Variants in STX8 observed in about 807,000 individuals in gnomAD.
The protein encoded by STX8 is syntaxin-8.
Under a neutral mutation model 37.5 loss-of-function variants are expected in STX8, and 23 were observed. The observed-to-expected ratio is 0.61, with a 90% CI of 0.44 to 0.87. The LOEUF (loss-of-function observed/expected upper bound fraction) is 0.87. Ranked by LOEUF, STX8 falls within the 40% of genes least tolerant of loss-of-function variation. The pLI is 0.00. For missense variants in STX8, 313 were observed against 284.7 expected, an observed-to-expected ratio of 1.10 and a Z score of -0.71; for synonymous variants, 115 against 99.1, an observed-to-expected ratio of 1.16 and a Z score of -0.95.
intron 7 of STX8, among the ~76,000 whole-genome samples, chr17:9,374,839 A>G (rs980494663): frequency 6.6e-6 from 1 of 152,046 alleles, no homozygotes; most frequent in Non-Finnish European, 1.5e-5. Flanking sequence ...TAAGGTGGGC[A>G]GATCACCTGA....
chr17:9,454,539 G>A (rs1354487256), intron 6 of STX8, among the ~76,000 whole-genome samples: 1 of 152,024 alleles, frequency 6.6e-6, no homozygotes, highest in Non-Finnish European at 1.5e-5. Flanking sequence ...AATTAGCCAG[G>A]CCTGGTGGCA....
At chr17:9,328,222 T>A (rs916632672) in intron 7 of STX8, among the ~76,000 whole-genome samples, 2 of 152,260 alleles carry the variant, frequency 1.3e-5, no homozygotes, top group East Asian at 3.9e-4. Flanking sequence ...TAGAGTTATA[T>A]ACCTAGGTTT....
At chr17:9,481,399 T>G (rs998778340) in intron 6 of STX8, among the ~76,000 whole-genome samples, 3 of 152,196 alleles carry the variant, frequency 2.0e-5, no homozygotes, top group Non-Finnish European at 4.4e-5. Context: ...TTTCTAACTG[T>G]CTTGCTTCCT....
rs559790676 is a variant in STX8, at chr17:9,570,396, A to G, written c.18-1926T>C. ...AACCACTATACTGTAAAGCAGCACC[A>G]TTCATGTATATATCATATATATATC... is the stretch of plus-strand genomic sequence containing the variant. On this transcript the variant is annotated intron_variant, in intron 1 of 7. Coordinates refer to ENST00000306357, the MANE Select transcript of STX8 (RefSeq NM_004853.3). Among the ~76,000 whole-genome samples the G allele has an allele frequency of 3.9e-5, 6 of 152,148 alleles. No homozygotes were observed. The South Asian group carries it at 1.2e-3, about 32-fold the overall frequency.
At chr17:9,474,170 T>A (rs1429566360) in intron 6 of STX8, among the ~76,000 whole-genome samples, 1 of 151,816 alleles carries the variant, frequency 6.6e-6, no homozygotes, top group East Asian at 1.9e-4. Flanking sequence ...ATGGAGAGGG[T>A]GATACATGGA....
chr17:9,256,853 G>A (rs1242357721), intron 7 of STX8, among the ~76,000 whole-genome samples: 1 of 152,222 alleles, frequency 6.6e-6, no homozygotes, highest in East Asian at 1.9e-4. Context: ...CCTCAGAATA[G>A]TTCTTAAACC....
intron 7 of STX8, among the ~76,000 whole-genome samples, chr17:9,306,190 A>G (rs185308552): frequency 2.6e-5 from 4 of 152,346 alleles, no homozygotes; most frequent in East Asian, 3.9e-4. Flanking sequence ...GCAACAGGCC[A>G]TACCATATAG....
intron 6 of STX8, among the ~76,000 whole-genome samples, chr17:9,476,748 C>T (rs1906124421): frequency 6.6e-6 from 1 of 152,150 alleles, no homozygotes; most frequent in Non-Finnish European, 1.5e-5. Flanking sequence ...CCACCGCACC[C>T]AGCCAGAGGT....
Position 9,400,562 on chromosome 17 carries a change from G to A in STX8, c.542-21909C>T, listed in dbSNP as rs1912574444. Among the ~76,000 whole-genome samples the A allele has an allele frequency of 4.6e-5, 7 of 151,766 alleles. No individual in the cohort carries two copies. The South Asian group carries it at 1.2e-3, about 27-fold the overall frequency. The stretch of plus-strand genomic sequence containing the variant: ...TGGTATTACAGGCACACACCACCAC[G>A]CCTGGCTAATTTTTGTATTTTTAGT... On this transcript the variant is annotated intron_variant, in intron 6 of 7. Transcript: ENST00000306357.
intron 2 of STX8, among the ~76,000 whole-genome samples, chr17:9,558,739 C>T (rs911016835): frequency 2.0e-5 from 3 of 151,762 alleles, no homozygotes; most frequent in African/African-American, 2.4e-5. Context: ...AGGAGAACGG[C>T]GTGAACCCTG....
chr17:9,561,871 T>C (rs118153456), intron 2 of STX8, among the ~76,000 whole-genome samples: 76 of 152,202 alleles, frequency 5.0e-4, no homozygotes, highest in East Asian at 1.4e-3. Flanking sequence ...TTGAAGAATT[T>C]ATTTCAACAT....
chr17:9,403,074 A>G (rs1323415794), intron 6 of STX8, among the ~76,000 whole-genome samples: 1 of 152,140 alleles, frequency 6.6e-6, no homozygotes, highest in African/African-American at 2.4e-5. Context: ...TTGTAGGGAT[A>G]AGGGGATTTG....
rs1378003300 is a variant in STX8, at chr17:9,414,665, C to T, written c.542-36012G>A. ...GTGAGACCGCTCTACCCAGGGTCAA[C>T]CACAAGAACCAGTCAGGCACAAATC... On this transcript the variant is annotated intron_variant, in intron 6 of 7. Transcript: ENST00000306357. 3.9e-5 allele frequency among the ~76,000 whole-genome samples: 6 copies of T among 152,190 alleles called. No homozygotes were observed. In the Middle Eastern group the frequency reaches 0.01, roughly 259 times the overall value.
At chr17:9,509,948 GCAAA>G (rs1339730175) in intron 4 of STX8, among the ~76,000 whole-genome samples, 1 of 151,634 alleles carries the variant, frequency 6.6e-6, no homozygotes, top group African/African-American at 2.4e-5. Context: ...GATATTCTAC[GCAAA>G]CAAAAACCAA....
At chr17:9,315,987 C>T (rs1909370693) in intron 7 of STX8, among the ~76,000 whole-genome samples, 1 of 150,198 alleles carries the variant, frequency 6.7e-6, no homozygotes, top group Non-Finnish European at 1.5e-5. Context: ...TGCACTCCAG[C>T]CTGGGTGATA....
At chr17:9,378,268 T>C (rs1911669365) in intron 7 of STX8, 1 of 335,486 alleles carries the variant, frequency 3.0e-6, no homozygotes, top group African/African-American at 2.1e-5. Context: ...AGTATAATGT[T>C]ATACAATTTC....
At chr17:9,431,516 C>T (rs1325298823) in intron 6 of STX8, among the ~76,000 whole-genome samples, 1 of 151,632 alleles carries the variant, frequency 6.6e-6, no homozygotes, top group East Asian at 1.9e-4. Context: ...AGGATGGTCT[C>T]GATCTCTTGA....
chr17:9,340,155 A>T (rs184661322), intron 7 of STX8, among the ~76,000 whole-genome samples: 1 of 152,362 alleles, frequency 6.6e-6, no homozygotes, highest in East Asian at 1.9e-4. Flanking sequence ...CTGCGTGGGA[A>T]TTCTCCAAAC....
At chr17:9,369,660 G>A (rs1911339577) in intron 7 of STX8, among the ~76,000 whole-genome samples, 1 of 152,074 alleles carries the variant, frequency 6.6e-6, no homozygotes. Flanking sequence ...GGGAGGCTGA[G>A]GCAGGCAGAT....
Sources: allele counts gnomAD v4.1 joint callset (sites outside exome capture counted in the v4.1 genomes callset), GRCh38; gene constraint gnomAD v4.1.1; transcripts MANE v1.5; gene names NCBI Gene and HGNC (gene_info 2026-07-23, HGNC 2026-07-21).